The following RNASEH2C variants were observed in gnomAD, a reference collection of about 807,000 sequenced individuals.
RNASEH2C encodes the protein RNase H1 small subunit.
RNASEH2C carries 20 observed loss-of-function variants against 16.3 expected under a neutral mutation model. That is an observed-to-expected ratio of 1.23 (90% CI 0.86 to 1.79). The LOEUF is 1.79. Ranked by LOEUF, RNASEH2C falls within the 40% of genes most tolerant of loss-of-function variation. The probability of loss-of-function intolerance (pLI) is 0.00; values close to 1 mark genes in which losing one functional copy is unlikely to be tolerated. For synonymous variants in RNASEH2C, 106 were observed against 98.9 expected (o/e 1.07, Z -0.43); for missense variants, 296 against 235.9 (o/e 1.25, Z -1.67).
At position 65,718,517 on chromosome 11, in the gene RNASEH2C, AAC is replaced by A. The variant is rs1423609783; in HGVS notation, c.*1264_*1265del. 1 of 1,527,102 alleles carries A rather than the reference AAC, an allele frequency of 6.5e-7. No individual in the cohort carries two copies. Among genetic ancestry groups the A allele is most frequent in the Non-Finnish European group, 8.9e-7 (1 of 1,120,794 alleles). The allele number at this position is 1,527,102 out of a possible 1,614,324, so 94.6% of individuals were successfully genotyped here. On this transcript the variant is annotated 3_prime_UTR_variant, in exon 4 of 4. Transcript: ENST00000308418. The stretch of plus-strand genomic sequence containing the variant: ...TAGGAACTAGGCAGCCTGCCTTGGC[AAC>A]CTGTGTTTTTAAATGTTGCTTATGT...
In RNASEH2C at chr11:65,718,450, G is replaced by C; in HGVS notation, c.*1333C>G. ...TTCTTCCTGAGGGAACTGAGGCACA[G>C]AGAAGTGGAGGGCATAGAACTGCCA... On this transcript the variant is annotated 3_prime_UTR_variant, in exon 4 of 4. Coordinates refer to ENST00000308418, the MANE Select transcript of RNASEH2C (RefSeq NM_032193.4). 2.5e-6 allele frequency: 2 copies of C among 796,154 alleles called. No homozygotes were observed. The highest frequency in any genetic ancestry group is 4.1e-6 in the Non-Finnish European group (2 of 488,176). The allele number at this position is 796,154 out of a possible 1,614,324, so 49.3% of individuals were successfully genotyped here. A position where few individuals can be genotyped will look rare whatever the true frequency, so the allele number is the denominator to read the frequency against.
In RNASEH2C at chr11:65,720,338, C is replaced by T. The variant is rs1193033623; in HGVS notation, c.252G>A (p.Met84Ile). 1 of 1,614,264 alleles carries T rather than the reference C, an allele frequency of 6.2e-7. No homozygotes were observed. Among genetic ancestry groups the T allele is most frequent in the Non-Finnish European group, 8.5e-7 (1 of 1,180,056 alleles). Residue 84 changes from methionine (M) to isoleucine (I), a missense_variant, in exon 2 of 4, where the codon ATG becomes ATA. Transcript: ENST00000308418. The part of the protein sequence containing the change: ...AVPPGLVGYV[M>I]VTEEKKVSMG... ...TCGACACCTTCTTCTCTTCTGTCAC[C>T]ATCACGTATCCCACGAGGCCAGGCG...
In RNASEH2C at chr11:65,718,401, C is replaced by T. The variant is rs539934831; in HGVS notation, c.*1382G>A. The T allele has an allele frequency of 1.2e-4, 75 of 628,816 alleles. No homozygotes were observed. The highest frequency in any genetic ancestry group is 1.0e-3 in the East Asian group (38 of 37,992). 39.0% of individuals were successfully genotyped at this position (628,816 alleles called of 1,614,324 possible). A position where few individuals can be genotyped will look rare whatever the true frequency, so the allele number is the denominator to read the frequency against. On this transcript the variant is annotated 3_prime_UTR_variant, in exon 4 of 4. Transcript: ENST00000308418. ...CCCTCATGCCCTCCACTGTGCTCAG[C>T]GCACGGAAAGAGTGAATACTCAGTT...
Position 65,719,641 on chromosome 11 carries a change from GC to G in RNASEH2C, c.*141del. On this transcript the variant is annotated 3_prime_UTR_variant, in exon 4 of 4. Coordinates refer to ENST00000308418, the MANE Select transcript of RNASEH2C (RefSeq NM_032193.4). The stretch of plus-strand genomic sequence containing the variant: ...AGTTCTTGGTGGGGAGGGGGAAAGG[GC>G]CCATGCTGGCTTAGGGGCTCTAAGG... 1.2e-6 allele frequency: 1 copy of G among 831,036 alleles called. No homozygotes were observed. Among genetic ancestry groups the G allele is most frequent in the Non-Finnish European group, 2.1e-6 (1 of 482,010 alleles). 51.5% of individuals were successfully genotyped at this position (831,036 alleles called of 1,614,324 possible).
Position 65,719,204 on chromosome 11 carries a change from C to A in RNASEH2C, c.*579G>T. The A allele has an allele frequency of 1.2e-6, 2 of 1,610,920 alleles. No individual in the cohort carries two copies. Among genetic ancestry groups the A allele is most frequent in the Admixed American group, 1.7e-5 (1 of 59,844 alleles). ...TGACCAGACACTGCCCACTGCAGTGCCAAGACGGCAGCAGGACTGGGGCTG... is the reference window on the plus strand; with the variant it reads ...TGACCAGACACTGCCCACTGCAGTGACAAGACGGCAGCAGGACTGGGGCTG... On this transcript the variant is annotated 3_prime_UTR_variant, in exon 4 of 4. Transcript: ENST00000308418.
chr11:65,719,313 G>C lies in RNASEH2C; in HGVS notation c.*470C>G. 1.8e-6 allele frequency: 2 copies of C among 1,128,954 alleles called. No individual in the cohort carries two copies. Among genetic ancestry groups the C allele is most frequent in the South Asian group, 1.6e-5 (1 of 63,526 alleles). The allele number at this position is 1,128,954 out of a possible 1,614,324, so 69.9% of individuals were successfully genotyped here. Reference sequence around the variant, plus strand: ...AGGACAGCTCAAAAAGGAGAGGACAGGCCTGGCAGGGGCCCACTGGTGCCC... The same window carrying C: ...AGGACAGCTCAAAAAGGAGAGGACACGCCTGGCAGGGGCCCACTGGTGCCC... On this transcript the variant is annotated 3_prime_UTR_variant, in exon 4 of 4. Coordinates refer to ENST00000308418, the MANE Select transcript of RNASEH2C (RefSeq NM_032193.4).
chr11:65,718,272 G>T lies in RNASEH2C; in HGVS notation c.*1511C>A. On this transcript the variant is annotated 3_prime_UTR_variant, in exon 4 of 4. Transcript: ENST00000308418. ...AGCCCGGGATGGCAAAGGAAAATTGGAGGCCCCTTCTTCCCATGAGCCATT... is the reference window on the plus strand; with the variant it reads ...AGCCCGGGATGGCAAAGGAAAATTGTAGGCCCCTTCTTCCCATGAGCCATT... 1 of 258,746 alleles carries T rather than the reference G, an allele frequency of 3.9e-6. No individual in the cohort carries two copies. The highest frequency in any genetic ancestry group is 7.5e-6 in the Non-Finnish European group (1 of 134,060). 16.0% of individuals were successfully genotyped at this position (258,746 alleles called of 1,614,324 possible). A position where few individuals can be genotyped will look rare whatever the true frequency, so the allele number is the denominator to read the frequency against.
intron 1 of RNASEH2C, 78 bp from the exon 2 acceptor site, chr11:65,720,495 G>A (rs776254640): frequency 2.6e-5 from 41 of 1,584,074 alleles, no homozygotes; most frequent in Non-Finnish European, 3.4e-5. Context: ...GCCACCTCCG[G>A]ACGGACCACG....
At position 65,718,557 on chromosome 11, in the gene RNASEH2C, TCTTA is replaced by T; in HGVS notation, c.*1222_*1225del. ...ATGTTGCTTATGTTCATCTGTGACC[TCTTA>T]CTCACCCTCTCCTGCTCCATTGCTT... On this transcript the variant is annotated 3_prime_UTR_variant, in exon 4 of 4. Transcript: ENST00000308418. 6.3e-7 allele frequency: 1 copy of T among 1,599,116 alleles called. No homozygotes were observed. Among genetic ancestry groups the T allele is most frequent in the Non-Finnish European group, 8.5e-7 (1 of 1,170,410 alleles).
chr11:65,720,750 G>T lies in RNASEH2C; in HGVS notation c.9C>A (p.Ser3Arg). ...GCCTCTCGATGGCCGCTTCGTCGCC[G>T]CTCTCCATCCTCCCTCCTACGCGAC... The part of the protein sequence containing the change: ME[S>R]GDEAAIERHR... The change falls in exon 1 of 4, where the codon AGC becomes AGA. Residue 3 changes from serine to arginine, a missense_variant. Physicochemically the swap from Ser to Arg is moderately radical, Grantham distance 110 (BLOSUM62 -1). Transcript: ENST00000308418. The T allele has an allele frequency of 6.3e-7, 1 of 1,591,586 alleles. No homozygotes were observed.
Position 65,718,363 on chromosome 11 carries a change from G to T in RNASEH2C, c.*1420C>A, listed in dbSNP as rs1355497429. On this transcript the variant is annotated 3_prime_UTR_variant, in exon 4 of 4. Coordinates refer to ENST00000308418, the MANE Select transcript of RNASEH2C (RefSeq NM_032193.4). ...ATCACCCTCATGGTTGACTGCAGCT[G>T]CTCCTCTCAGTGCCCTCATGCCCTC... is the stretch of plus-strand genomic sequence containing the variant. 4.0e-6 allele frequency: 2 copies of T among 505,428 alleles called. No individual in the cohort carries two copies. Among genetic ancestry groups the T allele is most frequent in the East Asian group, 3.2e-5 (1 of 31,410 alleles). 31.3% of individuals were successfully genotyped at this position (505,428 alleles called of 1,614,324 possible). A position where few individuals can be genotyped will look rare whatever the true frequency, so the allele number is the denominator to read the frequency against.
In RNASEH2C at chr11:65,718,045, AG is replaced by A. The variant is rs1358264506; in HGVS notation, c.*1737del. ...GGTGGGGGTCAGTCACGTGGCTCCC[AG>A]GAATGGTCTCCCCGACTTAGGAAGC... On this transcript the variant is annotated 3_prime_UTR_variant, in exon 4 of 4. Coordinates refer to ENST00000308418, the MANE Select transcript of RNASEH2C (RefSeq NM_032193.4). 6.5e-6 allele frequency: 1 copy of A among 153,944 alleles called. No individual in the cohort carries two copies. The highest frequency in any genetic ancestry group is 1.4e-5 in the Non-Finnish European group (1 of 69,386). 9.5% of individuals were successfully genotyped at this position (153,944 alleles called of 1,614,324 possible).
At chr11:65,719,933 G>A (rs1054787221) in intron 3 of RNASEH2C, 112 bp downstream of exon 3, 20 of 1,604,858 alleles carry the variant, frequency 1.2e-5, no homozygotes, top group Middle Eastern at 1.7e-4. Context: ...AGAGTGGTCA[G>A]GGAGCTACGC....
rs1314714026 is a variant in RNASEH2C at position 65,720,242 on chromosome 11, G to A, written c.348C>T (p.Phe116=). ...CTTTCAACCCTATCCCTTTGCTCAC[G>A]AAGTCCCGCTCCAGCGGCTCCTCCT... The part of the protein sequence containing the change: ...DQEEEPLERD[F]DRFIGATANF... The change falls in exon 2 of 4, where the codon TTC becomes TTT. Residue 116 remains phenylalanine, a splice_region_variant and synonymous_variant. Transcript: ENST00000308418. 2 of 1,614,242 alleles carry A rather than the reference G, an allele frequency of 1.2e-6. No homozygotes were observed. The highest frequency in any genetic ancestry group is 8.5e-7 in the Non-Finnish European group (1 of 1,180,038).
In RNASEH2C at chr11:65,718,770, C is replaced by T. The variant is rs779568720; in HGVS notation, c.*1013G>A. 15 of 1,614,092 alleles carry T rather than the reference C, an allele frequency of 9.3e-6. No homozygotes were observed. The highest frequency in any genetic ancestry group is 1.6e-4 in the Middle Eastern group (1 of 6,062). On this transcript the variant is annotated 3_prime_UTR_variant, in exon 4 of 4. Transcript: ENST00000308418. ...ATCAAGTGAGCCTGGCGCTGTCTAC[C>T]TGGGGGTACATGGCATGGCTTGTCT...
chr11:65,720,614 T>G lies in RNASEH2C; in HGVS notation c.145A>C (p.Thr49Pro). The G allele has an allele frequency of 6.5e-7, 1 of 1,545,450 alleles. No individual in the cohort carries two copies. Among genetic ancestry groups the G allele is most frequent in the Non-Finnish European group, 8.7e-7 (1 of 1,149,460 alleles). ...DGPAPVGRFF[T>P]PAIRQGPEGL... ...TCGGGGCCCTGGCGGATGGCGGGCG[T>G]GAAGAAGCGCCCCACCGGGGCGGGC... The change falls in exon 1 of 4, where the codon ACG (threonine) becomes CCG (proline). Residue 49 changes from threonine to proline, a missense_variant. Thr to Pro is a conservative substitution (Grantham distance 38, BLOSUM62 -1). Transcript: ENST00000308418.
At position 65,720,430 on chromosome 11, in the gene RNASEH2C, G is replaced by A. The variant is rs764665591; in HGVS notation, c.173-13C>T. The A allele has an allele frequency of 1.2e-5, 20 of 1,613,010 alleles. No individual in the cohort carries two copies. Among genetic ancestry groups the A allele is most frequent in the Non-Finnish European group, 1.5e-5 (18 of 1,180,006 alleles). The stretch of plus-strand genomic sequence containing the variant: ...GACACTTCGAGTCCTGGAGCGGGAG[G>A]CGCAAAGGGCCTCAGGCAGGACCCA... On this transcript the variant is annotated splice_polypyrimidine_tract_variant and intron_variant, in intron 1 of 3. Coordinates refer to ENST00000308418, the MANE Select transcript of RNASEH2C (RefSeq NM_032193.4).
At position 65,719,396 on chromosome 11, in the gene RNASEH2C, A is replaced by G. The variant is rs1033815477; in HGVS notation, c.*387T>C. The G allele has an allele frequency of 3.2e-6, 2 of 630,492 alleles. No individual in the cohort carries two copies. The highest frequency in any genetic ancestry group is 5.5e-6 in the Non-Finnish European group (2 of 364,956). 39.1% of individuals were successfully genotyped at this position (630,492 alleles called of 1,614,324 possible). A position where few individuals can be genotyped will look rare whatever the true frequency, so the allele number is the denominator to read the frequency against. On this transcript the variant is annotated 3_prime_UTR_variant, in exon 4 of 4. Coordinates refer to ENST00000308418, the MANE Select transcript of RNASEH2C (RefSeq NM_032193.4). ...TCCAAGGTCAGCTGGCCACAGGCCC[A>G]GGCCTCCTCTGAAGCAGGGACCAGA...
chr11:65,719,818 G>C lies in RNASEH2C; in HGVS notation c.469-9C>G, dbSNP rs555569944. On this transcript the variant is annotated splice_polypyrimidine_tract_variant and intron_variant, in intron 3 of 3. Transcript: ENST00000308418. ...GGCACCTGTGCGTGAATCTGCAACA[G>C]GAGTCGCCTCTACTGTTGGACTTGT... The C allele has an allele frequency of 3.7e-6, 6 of 1,614,138 alleles. No individual in the cohort carries two copies. The highest frequency in any genetic ancestry group is 3.3e-5 in the South Asian group (3 of 91,086).
Sources: allele counts gnomAD v4.1 joint callset, GRCh38; gene constraint gnomAD v4.1.1; transcripts MANE v1.5; gene names NCBI Gene and HGNC (gene_info 2026-07-23, HGNC 2026-07-21).